NAV2: variants seen among roughly 807,000 people sequenced by gnomAD.
The protein encoded by NAV2 is helicase, APC down-regulated 1.
NAV2 carries 54 observed loss-of-function variants against 223.2 expected under a neutral mutation model. The ratio of observed to expected loss-of-function variants is 0.24; its 90% CI spans 0.19 to 0.30. The LOEUF (loss-of-function observed/expected upper bound fraction) is 0.30, where lower values mean the gene tolerates loss of function less well. Ranked by LOEUF, NAV2 falls within the 10% of genes least tolerant of loss-of-function variation. The probability of loss-of-function intolerance (pLI) is 1.00; values close to 1 mark genes in which losing one functional copy is unlikely to be tolerated. For missense variants in NAV2, 2,806 were observed against 3,147.5 expected (o/e 0.89, Z 2.60); for synonymous variants, 1,279 against 1,239.3 (o/e 1.03, Z -0.67).
intron 1 of NAV2, chr11:19,777,645 T>C (rs1590447784): frequency 1.7e-5 from 7 of 415,146 alleles, no homozygotes; most frequent in Non-Finnish European, 3.4e-5. Flanking sequence ...CCGCACTTGG[T>C]ATTTCCCTTA....
At chr11:19,908,817 A>T (rs2043083292) in intron 6 of NAV2, among the ~76,000 whole-genome samples, 1 of 152,058 alleles carries the variant, frequency 6.6e-6, no homozygotes, top group African/African-American at 2.4e-5. Context: ...AGAGTAGGCA[A>T]ATCGATAGAG....
chr11:20,085,594 G>A (rs1330196092), intron 26 of NAV2, among the ~76,000 whole-genome samples: 1 of 152,228 alleles, frequency 6.6e-6, no homozygotes, highest in Non-Finnish European at 1.5e-5. Context: ...AACATTAGCT[G>A]CTGTAACAAA....
intron 3 of NAV2, among the ~76,000 whole-genome samples, chr11:19,853,675 G>C (rs897452691): frequency 1.6e-4 from 24 of 151,966 alleles, no homozygotes; most frequent in African/African-American, 5.5e-4. Flanking sequence ...GATATGATTT[G>C]AACTGTGCAT....
chr11:19,992,960 A>G (rs1412976039), intron 11 of NAV2, among the ~76,000 whole-genome samples: 1 of 152,166 alleles, frequency 6.6e-6, no homozygotes, highest in African/African-American at 2.4e-5. Context: ...AAACTTAATC[A>G]TTGTTCAAAG....
intron 3 of NAV2, among the ~76,000 whole-genome samples, chr11:19,847,986 T>C (rs1357434167): frequency 6.6e-6 from 1 of 152,194 alleles, no homozygotes; most frequent in African/African-American, 2.4e-5. Context: ...CCTCCCCAAA[T>C]TGCACTTATC....
chr11:19,959,332 T>G (rs1339473680), intron 10 of NAV2, among the ~76,000 whole-genome samples: 1 of 152,146 alleles, frequency 6.6e-6, no homozygotes, highest in Non-Finnish European at 1.5e-5. Flanking sequence ...ACCCTGCGTG[T>G]CCATAGTTCA....
chr11:19,782,014 A>G (rs749991768), intron 1 of NAV2, among the ~76,000 whole-genome samples: 26 of 152,184 alleles, frequency 1.7e-4, no homozygotes, highest in East Asian at 7.7e-4. Context: ...ACCTTCAGCT[A>G]GAAAACAACG....
At chr11:19,731,561 G>C (rs1039427340) in intron 1 of NAV2, among the ~76,000 whole-genome samples, 1 of 152,186 alleles carries the variant, frequency 6.6e-6, no homozygotes, top group East Asian at 1.9e-4. Context: ...GGGGTTGTTG[G>C]GGGGATAGTT....
Position 19,630,030 on chromosome 11 carries a change from T to C in NAV2, c.76-202454T>C, listed in dbSNP as rs558330957. The stretch of plus-strand genomic sequence containing the variant: ...GCCGCTACATGTTTCCCCAACTCTG[T>C]GGTGAACTTCTGGGGAATGCGACCT... On this transcript the variant is annotated intron_variant, in intron 1 of 37. Transcript: ENST00000360655. 6.7e-5 allele frequency among the ~76,000 whole-genome samples: 10 copies of C among 150,234 alleles called. No individual in the cohort carries two copies. In the South Asian group the frequency reaches 1.4e-3, roughly 22 times the overall value.
intron 1 of NAV2, among the ~76,000 whole-genome samples, chr11:19,358,366 G>A (rs531182592): frequency 3.3e-4 from 50 of 152,276 alleles, no homozygotes; most frequent in South Asian, 1.2e-3. Flanking sequence ...CCAAGTCAGG[G>A]TGATTCCTGA....
At position 19,998,709 on chromosome 11, in the gene NAV2, C is replaced by G. The variant is rs565123412; in HGVS notation, c.2768+14462C>G. On this transcript the variant is annotated intron_variant, in intron 11 of 37. Transcript: ENST00000349880. This position sits in a 1 kb window ranked among gnomAD's most constrained non-coding sequence, Gnocchi z 5.0. ...CCCTCTGCATAGACTGTGCTTCCCC[C>G]CCTCTCTCCTTTTCTCCTTATAAGC... 1.3e-5 allele frequency among the ~76,000 whole-genome samples: 2 copies of G among 152,088 alleles called. No individual in the cohort carries two copies. Among genetic ancestry groups the G allele is most frequent in the African/African-American group, 2.4e-5 (1 of 41,422 alleles).
chr11:19,421,918 G>T (rs1304177139), intron 1 of NAV2, among the ~76,000 whole-genome samples: 1 of 152,102 alleles, frequency 6.6e-6, no homozygotes, highest in East Asian at 1.9e-4. Context: ...ATCACATCCT[G>T]ACTCCTCATT....
chr11:19,677,849 G>T (rs138925093), intron 1 of NAV2, among the ~76,000 whole-genome samples: 1 of 152,348 alleles, frequency 6.6e-6, no homozygotes, highest in East Asian at 1.9e-4. Flanking sequence ...AGATTGAGTG[G>T]TTGCAACAAA....
intron 1 of NAV2, among the ~76,000 whole-genome samples, chr11:19,714,703 G>A (rs576395605): frequency 6.6e-6 from 1 of 152,236 alleles, no homozygotes; most frequent in East Asian, 1.9e-4. Context: ...CCCGAGTGAC[G>A]GGGCGTGGGG....
At chr11:19,954,101 G>C (rs753513418) in intron 10 of NAV2, among the ~76,000 whole-genome samples, 18 of 152,206 alleles carry the variant, frequency 1.2e-4, no homozygotes, top group Non-Finnish European at 2.1e-4. Flanking sequence ...TTAGCCTGTG[G>C]TGTCCATCTA....
In NAV2 at chr11:19,351,300, T is replaced by G. The variant is rs542976242; in HGVS notation, c.75+273T>G. ...GTTAACTGAGGGAGTTAACAAAAAA[T>G]GTTGGTGTTCTCAAAATCCAATATG... On this transcript the variant is annotated intron_variant, in intron 1 of 37. Coordinates refer to the NAV2 transcript ENST00000360655. Among the ~76,000 whole-genome samples the G allele has an allele frequency of 1.1e-4, 16 of 152,276 alleles. 1 individual carries two copies. Among genetic ancestry groups the G allele is most frequent in the African/African-American group, 3.8e-4 (16 of 41,562 alleles).
At position 19,510,362 on chromosome 11, in the gene NAV2, A is replaced by G. The variant is rs983692366; in HGVS notation, c.75+159335A>G. ...TTGTGGATGCTGTCCTGAAACCTAC[A>G]TGAGAGCCAGTTCTCCATACTGATT... is the stretch of plus-strand genomic sequence containing the variant. On this transcript the variant is annotated intron_variant, in intron 1 of 37. Coordinates refer to the NAV2 transcript ENST00000360655. 3.3e-5 allele frequency among the ~76,000 whole-genome samples: 5 copies of G among 152,216 alleles called. No individual in the cohort carries two copies. The South Asian group carries it at 6.2e-4, about 19-fold the overall frequency.
intron 1 of NAV2, among the ~76,000 whole-genome samples, chr11:19,814,841 T>G (rs2059011764): frequency 6.6e-6 from 1 of 152,098 alleles, no homozygotes; most frequent in Admixed American, 6.5e-5. Context: ...ATTCTTCTTG[T>G]AAAAATGCTG....
intron 1 of NAV2, among the ~76,000 whole-genome samples, chr11:19,551,869 C>T (rs1391463367): frequency 6.6e-6 from 1 of 151,748 alleles, no homozygotes; most frequent in Admixed American, 6.5e-5. Context: ...TACTCTGCTC[C>T]TTCCCCTCCT....
Sources: allele counts gnomAD v4.1 joint callset (sites outside exome capture counted in the v4.1 genomes callset), GRCh38; gene constraint gnomAD v4.1.1; non-coding constraint Gnocchi (gnomAD v3.1); transcripts MANE v1.5; gene names NCBI Gene and HGNC (gene_info 2026-07-23, HGNC 2026-07-21).